PCDH15: variants seen among roughly 807,000 people sequenced by gnomAD.
The protein encoded by PCDH15 is protocadherin related 15, also known as protocadherin-15.
In PCDH15, 129 loss-of-function variants were observed where a neutral mutation model predicts 178.5. That is an observed-to-expected ratio of 0.72 (90% CI 0.63 to 0.84). The LOEUF (loss-of-function observed/expected upper bound fraction) is 0.84, where lower values mean the gene tolerates loss of function less well. Ranked by LOEUF, PCDH15 falls within the 40% of genes least tolerant of loss-of-function variation. PCDH15 has a pLI of 0.00. For missense variants in PCDH15, 2,230 were observed against 2,099.9 expected, an observed-to-expected ratio of 1.06 and a Z score of -1.21; for synonymous variants, 800 against 732.0, an observed-to-expected ratio of 1.09 and a Z score of -1.50.
intron 2 of PCDH15, among the ~76,000 whole-genome samples, chr10:54,962,500 T>A (rs1033519290): frequency 5.3e-5 from 8 of 152,230 alleles, no homozygotes; most frequent in African/African-American, 1.4e-4. Flanking sequence ...GAACCAGGGC[T>A]GTGATATATT....
chr10:55,481,801 G>C (rs533225929), intron 2 of PCDH15, among the ~76,000 whole-genome samples: 1 of 151,754 alleles, frequency 6.6e-6, no homozygotes, highest in Non-Finnish European at 1.5e-5. Context: ...TGAGAAGATT[G>C]TATATTCTGT....
At chr10:55,119,547 G>T (rs7069852) in intron 2 of PCDH15, among the ~76,000 whole-genome samples, 36,756 of 140,066 alleles carry the variant, frequency 0.26, 5,162 homozygotes, top group African/African-American at 0.5. Flanking sequence ...AAAAGGCAGG[G>T]TATTGCATAT....
At chr10:54,020,124 A>G in intron 20 of PCDH15, 68 bp downstream of exon 20, 1 of 1,336,640 alleles carries the variant, frequency 7.5e-7, no homozygotes, top group Non-Finnish European at 1.1e-6. Flanking sequence ...TATAGGTATA[A>G]TAGAAGGAAC....
intron 1 of PCDH15, among the ~76,000 whole-genome samples, chr10:54,751,200 T>C (rs1946183162): frequency 6.6e-6 from 1 of 152,160 alleles, no homozygotes; most frequent in Admixed American, 6.5e-5. Flanking sequence ...AGAACTTATT[T>C]ATTCTTCCCA....
intron 5 of PCDH15, among the ~76,000 whole-genome samples, chr10:54,359,350 C>CA (rs71007840): frequency 0.12 from 17,661 of 151,576 alleles, 1,823 homozygotes; most frequent in African/African-American, 0.28. Flanking sequence ...TTAGTTGTTA[C>CA]AAAAAATGTA....
At chr10:55,283,366 A>G (rs1842782674) in intron 1 of PCDH15, among the ~76,000 whole-genome samples, 2 of 152,028 alleles carry the variant, frequency 1.3e-5, no homozygotes, top group African/African-American at 4.8e-5. Flanking sequence ...AAGTATCCTT[A>G]AAAACTCTGA....
chr10:55,411,508 C>T (rs1380325806), intron 2 of PCDH15, among the ~76,000 whole-genome samples: 1 of 152,104 alleles, frequency 6.6e-6, no homozygotes, highest in African/African-American at 2.4e-5. Flanking sequence ...ATAGTTAACA[C>T]TTCTGCCCCT....
chr10:55,024,441 T>C (rs1218054854), intron 2 of PCDH15, among the ~76,000 whole-genome samples: 1 of 121,610 alleles, frequency 8.2e-6, no homozygotes, highest in Non-Finnish European at 1.8e-5. Context: ...AGGGATAATA[T>C]ATTATATATA....
At chr10:53,907,091 A>C (rs371241344) in intron 25 of PCDH15, 1 of 152,312 alleles carries the variant, frequency 6.6e-6, no homozygotes, top group East Asian at 1.9e-4. Context: ...TGACTTTTTT[A>C]TTCATGTGTA....
chr10:54,918,627 G>A (rs1025852319), intron 2 of PCDH15, among the ~76,000 whole-genome samples: 13 of 152,060 alleles, frequency 8.5e-5, no homozygotes, highest in African/African-American at 3.1e-4. Context: ...ACACCAGCAT[G>A]AGCCATATTA....
intron 25 of PCDH15, among the ~76,000 whole-genome samples, chr10:53,921,513 T>C (rs2083994887): frequency 6.6e-6 from 1 of 152,118 alleles, no homozygotes; most frequent in Middle Eastern, 3.2e-3. Flanking sequence ...ATGCCAACTA[T>C]TGTACTCTTC....
intron 2 of PCDH15, among the ~76,000 whole-genome samples, chr10:55,484,238 T>G (rs989637706): frequency 3.3e-5 from 5 of 151,702 alleles, no homozygotes; most frequent in African/African-American, 1.2e-4. Flanking sequence ...CAAGCCCCCA[T>G]GACACAATTT....
chr10:55,274,317 G>C (rs1342649566), intron 1 of PCDH15, among the ~76,000 whole-genome samples: 1 of 152,046 alleles, frequency 6.6e-6, no homozygotes, highest in Admixed American at 6.6e-5. Context: ...TGCCTAAATA[G>C]TGAGGTGTTT....
intron 8 of PCDH15, among the ~76,000 whole-genome samples, chr10:54,261,039 C>T (rs1348930442): frequency 6.6e-6 from 1 of 152,134 alleles, no homozygotes; most frequent in Non-Finnish European, 1.5e-5. Flanking sequence ...TATTTCTGCA[C>T]ATATTTTCTA....
chr10:55,413,397 G>T (rs1838394109), intron 2 of PCDH15, among the ~76,000 whole-genome samples: 1 of 151,368 alleles, frequency 6.6e-6, no homozygotes, highest in African/African-American at 2.4e-5. Context: ...TATTTTAAAG[G>T]ACTATATAAG....
chr10:53,963,211 T>G (rs377352295), intron 21 of PCDH15, among the ~76,000 whole-genome samples: 1 of 152,116 alleles, frequency 6.6e-6, no homozygotes, highest in Non-Finnish European at 1.5e-5. Flanking sequence ...TGAATTACAG[T>G]TGGGCTATGA....
intron 13 of PCDH15, among the ~76,000 whole-genome samples, chr10:54,163,487 G>A (rs1299750133): frequency 6.6e-6 from 1 of 152,038 alleles, no homozygotes; most frequent in Non-Finnish European, 1.5e-5. Flanking sequence ...ACTATCATGA[G>A]AATAGCATGG....
At chr10:54,815,304 A>T (rs1466946211) in intron 3 of PCDH15, among the ~76,000 whole-genome samples, 1 of 152,180 alleles carries the variant, frequency 6.6e-6, no homozygotes, top group Non-Finnish European at 1.5e-5. Flanking sequence ...TATATCTATT[A>T]TAAAAACTTA....
chr10:54,656,655 C>T (rs1324903168), intron 2 of PCDH15, among the ~76,000 whole-genome samples: 6 of 152,120 alleles, frequency 3.9e-5, no homozygotes, highest in Non-Finnish European at 7.3e-5. Context: ...GCTCTGACAT[C>T]CACAATCAAA....
Sources: allele counts gnomAD v4.1 joint callset (sites outside exome capture counted in the v4.1 genomes callset), GRCh38; gene constraint gnomAD v4.1.1; transcripts MANE v1.5; gene names NCBI Gene and HGNC (gene_info 2026-07-23, HGNC 2026-07-21).